The following USB1 variants were observed in gnomAD, a reference collection of about 807,000 sequenced individuals.
The protein encoded by USB1 is U6 snRNA phosphodiesterase 1.
Under a neutral mutation model 29.9 loss-of-function variants are expected in USB1, and 21 were observed. The observed-to-expected ratio is 0.70, with a 90% CI of 0.50 to 1.01. The LOEUF is 1.01. Among genes scored for constraint, USB1 ranks in the 50% least tolerant of loss-of-function variants. The pLI, the probability that USB1 is intolerant of heterozygous loss-of-function variation, is 0.00. For missense variants in USB1, 330 were observed against 347.1 expected, an observed-to-expected ratio of 0.95 and a Z score of 0.39; for synonymous variants, 143 against 134.9, an observed-to-expected ratio of 1.06 and a Z score of -0.42.
At chr16:58,000,745 A>G (rs935277375), upstream of USB1, among the ~76,000 whole-genome samples, 49 of 151,104 alleles carry the variant, frequency 3.2e-4, no homozygotes, top group Non-Finnish European at 2.4e-4. This position sits in a 1 kb window ranked among gnomAD's most constrained non-coding sequence, Gnocchi z 4.5. Flanking sequence ...GCGGCGGCCA[A>G]TGCGGGAGGA....
chr16:58,000,319 G>T (rs1424989039), upstream of USB1: 1 of 151,780 alleles, frequency 6.6e-6, no homozygotes, highest in South Asian at 2.0e-4. The surrounding 1 kb of genome is among the most constrained non-coding windows in gnomAD (Gnocchi z 4.5). Flanking sequence ...GGGCGCGGGG[G>T]GGCGGCCGGG....
Position 58,002,464 on chromosome 16 carries a change from T to G in USB1, c.99-15T>G. ...ACAGGATAAATGTACTCATTTTTCT[T>G]TTTTTCTTTTGCAGTGGCCAGAGCC... On this transcript the variant is annotated splice_polypyrimidine_tract_variant and intron_variant, in intron 1 of 6. Transcript: ENST00000219281. 1.2e-6 allele frequency: 2 copies of G among 1,613,498 alleles called. No individual in the cohort carries two copies. The highest frequency in any genetic ancestry group is 1.7e-6 in the Non-Finnish European group (2 of 1,180,006).
chr16:58,018,954 T>C lies in USB1; in HGVS notation c.610-18T>C. The C allele has an allele frequency of 6.2e-7, 1 of 1,613,924 alleles. No individual in the cohort carries two copies. Among genetic ancestry groups the C allele is most frequent in the Non-Finnish European group, 8.5e-7 (1 of 1,179,912 alleles). Reference sequence around the variant, plus strand: ...CAAGGCGTCCGGGTGACTGCCTGCCTCTCGTTTCCCTCCCCAGGATCCTTC... The same window carrying C: ...CAAGGCGTCCGGGTGACTGCCTGCCCCTCGTTTCCCTCCCCAGGATCCTTC... On this transcript the variant is annotated intron_variant, in intron 5 of 6. Transcript: ENST00000219281.
upstream of USB1, chr16:58,001,401 G>C: frequency 1.3e-6 from 2 of 1,506,940 alleles, no homozygotes; most frequent in Non-Finnish European, 1.8e-6. Context: ...CCGCCCCTGG[G>C]AGGGCGCTTC....
chr16:58,002,096 TG>T (rs1403766005), intron 1 of USB1, among the ~76,000 whole-genome samples: 2 of 152,238 alleles, frequency 1.3e-5, no homozygotes, highest in Non-Finnish European at 2.9e-5. Context: ...GTAGCTCAGT[TG>T]ATCCCACAAT....
Position 58,020,508 on chromosome 16 carries a change from C to T in USB1, c.*263C>T. ...TCCTCTCTTCCTCTCTTCTCTCTTC[C>T]TCTCCTCTCTCTCTTCCTCTTCTCT... On this transcript the variant is annotated 3_prime_UTR_variant, in exon 7 of 7. Transcript: ENST00000219281. 9.5e-6 allele frequency: 5 copies of T among 523,964 alleles called. No individual in the cohort carries two copies. The South Asian group carries it at 1.0e-4, about 11-fold the overall frequency. 32.5% of individuals were successfully genotyped at this position (523,964 alleles called of 1,614,324 possible). A position where few individuals can be genotyped will look rare whatever the true frequency, so the allele number is the denominator to read the frequency against.
chr16:58,014,346 AATCACCATC>A lies in USB1; in HGVS notation c.503+22_503+30del, dbSNP rs1963567532. On this transcript the variant is annotated intron_variant, in intron 4 of 6. Transcript: ENST00000219281. ...AACCAGGTGGGTCCTCCCAACCCCC[AATCACCATC>A]AGAGGAAGATTCTTTGGTGCAAAAA... is the stretch of plus-strand genomic sequence containing the variant. The A allele has an allele frequency of 6.2e-7, 1 of 1,603,644 alleles. No homozygotes were observed. The highest frequency in any genetic ancestry group is 1.7e-5 in the Admixed American group (1 of 59,994).
chr16:58,004,770 C>T (rs779276231), intron 2 of USB1, among the ~76,000 whole-genome samples: 3 of 152,154 alleles, frequency 2.0e-5, no homozygotes, highest in Non-Finnish European at 4.4e-5. Flanking sequence ...CCCACTGGGT[C>T]GGTGGGTTTT....
At position 58,013,444 on chromosome 16, in the gene USB1, G is replaced by A; in HGVS notation, c.450-829G>A. On this transcript the variant is annotated intron_variant, in intron 3 of 6. Coordinates refer to ENST00000219281, the MANE Select transcript of USB1 (RefSeq NM_024598.4). The surrounding 1 kb of genome is among the most constrained non-coding windows in gnomAD (Gnocchi z 4.3). ...GGTATATTATGTTCCCTCAGATGGG[G>A]GTGAGACCCTTGGCCTGGGGGCTGT... 1.0e-6 allele frequency: 1 copy of A among 985,516 alleles called. No individual in the cohort carries two copies. Among genetic ancestry groups the A allele is most frequent in the Non-Finnish European group, 1.2e-6 (1 of 830,038 alleles). The allele number at this position is 985,516 out of a possible 1,614,324, so 61.0% of individuals were successfully genotyped here.
chr16:58,000,729 C>T (rs905468256), upstream of USB1, among the ~76,000 whole-genome samples: 61 of 151,032 alleles, frequency 4.0e-4, 1 homozygote, highest in East Asian at 6.8e-3. This position sits in a 1 kb window ranked among gnomAD's most constrained non-coding sequence, Gnocchi z 4.5. Flanking sequence ...AGCGGCATCC[C>T]GGGCGGCGGC....
upstream of USB1, among the ~76,000 whole-genome samples, chr16:58,000,623 G>A (rs921876279): frequency 1.3e-5 from 2 of 149,772 alleles, no homozygotes; most frequent in African/African-American, 4.9e-5. This position sits in a 1 kb window ranked among gnomAD's most constrained non-coding sequence, Gnocchi z 4.5. Flanking sequence ...GCCGGGGCGA[G>A]GAGCGCCGGG....
Position 58,010,074 on chromosome 16 carries a change from C to T in USB1, c.411C>T (p.Phe137=), listed in dbSNP as rs749793676. The change falls in exon 3 of 7, where the codon TTC becomes TTT. Residue 137 remains phenylalanine, a synonymous_variant. Transcript: ENST00000219281. ...TGCGCCACCACTGGATCCTCCCCTT[C>T]GTGCAGGCTCTGAAAGCCCGTATGA... ...VVLRHHWILP[F]VQALKARMTS... is the part of the protein sequence containing the mutation. 12 of 1,614,038 alleles carry T rather than the reference C, an allele frequency of 7.4e-6. No homozygotes were observed. The highest frequency in any genetic ancestry group is 6.7e-5 in the East Asian group (3 of 44,884).
chr16:58,009,878 A>G (rs957499616), intron 2 of USB1, 51 bp from the exon 3 acceptor site: 13 of 1,612,386 alleles, frequency 8.1e-6, no homozygotes, highest in Admixed American at 5.0e-5. Context: ...TCATTCAGCC[A>G]TGGCACCTTG....
At chr16:58,007,565 A>G (rs748887651) in intron 2 of USB1, among the ~76,000 whole-genome samples, 18 of 152,008 alleles carry the variant, frequency 1.2e-4, no homozygotes, top group Non-Finnish European at 2.4e-4. Flanking sequence ...TATTTTTAGT[A>G]AAGACACAGT....
rs778666156 is a variant in USB1 at position 58,019,008 on chromosome 16, G to A, written c.646G>A (p.Gly216Ser). 2.5e-5 allele frequency: 41 copies of A among 1,614,068 alleles called. No individual in the cohort carries two copies. The East Asian group carries it at 7.8e-4, about 31-fold the overall frequency. The part of the protein sequence containing the change: ...SFHLSLAWCV[G>S]DARLQLEGQC... ...CCACCTCAGCCTGGCCTGGTGTGTGGGTGATGCACGTCTCCAGCTGGAGGG... is the reference window on the plus strand; with the variant it reads ...CCACCTCAGCCTGGCCTGGTGTGTGAGTGATGCACGTCTCCAGCTGGAGGG... The change falls in exon 6 of 7, where the codon GGT (glycine) becomes AGT (serine). Residue 216 changes from glycine (G) to serine (S), a missense_variant. Physicochemically the swap from Gly to Ser is moderately conservative, Grantham distance 56 (BLOSUM62 0). Coordinates refer to ENST00000219281, the MANE Select transcript of USB1 (RefSeq NM_024598.4).
intron 3 of USB1, chr16:58,011,313 A>C: frequency 7.1e-7 from 1 of 1,414,100 alleles, no homozygotes; most frequent in Non-Finnish European, 9.2e-7. Context: ...AAAGGAGATC[A>C]TGGGTGCCCT....
rs1963568962 is a variant in USB1 at position 58,014,413 on chromosome 16, A to G, written c.503+87A>G. On this transcript the variant is annotated intron_variant, in intron 4 of 6. Transcript: ENST00000219281. ...CTTTGTTTCTGGACTTGTTTGTCCC[A>G]TTTTTTGTTTGCTTTTAACCAACTC... 8.8e-6 allele frequency: 11 copies of G among 1,243,314 alleles called. No homozygotes were observed. In the South Asian group the frequency reaches 1.3e-4, roughly 15 times the overall value. 77.0% of individuals were successfully genotyped at this position (1,243,314 alleles called of 1,614,324 possible).
At position 58,013,933 on chromosome 16, in the gene USB1, A is replaced by T. The variant is rs1236577163; in HGVS notation, c.450-340A>T. On this transcript the variant is annotated intron_variant, in intron 3 of 6. Coordinates refer to ENST00000219281, the MANE Select transcript of USB1 (RefSeq NM_024598.4). This position sits in a 1 kb window ranked among gnomAD's most constrained non-coding sequence, Gnocchi z 4.3. Reference sequence around the variant, plus strand: ...AACTGCAAGAAATGAATCAGCTGTTAAGTGGTCCATTATCACCTACTTGAT... The same window carrying T: ...AACTGCAAGAAATGAATCAGCTGTTTAGTGGTCCATTATCACCTACTTGAT... The T allele has an allele frequency of 3.5e-6, 1 of 283,084 alleles. No homozygotes were observed. Among genetic ancestry groups the T allele is most frequent in the Non-Finnish European group, 6.8e-6 (1 of 147,442 alleles). 17.5% of individuals were successfully genotyped at this position (283,084 alleles called of 1,614,324 possible).
At chr16:58,000,091 G>A (rs945301087), upstream of USB1, among the ~76,000 whole-genome samples, 19 of 152,236 alleles carry the variant, frequency 1.2e-4, no homozygotes, top group Admixed American at 7.8e-4. The surrounding 1 kb of genome is among the most constrained non-coding windows in gnomAD (Gnocchi z 4.5). Flanking sequence ...AATGAAAGCC[G>A]ATCACCTCCC....
Sources: allele counts gnomAD v4.1 joint callset (sites outside exome capture counted in the v4.1 genomes callset), GRCh38; gene constraint gnomAD v4.1.1; non-coding constraint Gnocchi (gnomAD v3.1); transcripts MANE v1.5; gene names NCBI Gene and HGNC (gene_info 2026-07-23, HGNC 2026-07-21).